Variants in FAM24B observed in about 807,000 individuals in gnomAD.
FAM24B encodes family with sequence similarity 24 member B.
A neutral mutation model predicts 2.3 loss-of-function variants in FAM24B; 3 were observed. That is an observed-to-expected ratio of 1.29 (90% CI 0.59 to 3.32). The LOEUF is 3.32. Among genes scored for constraint, FAM24B ranks in the 30% most tolerant of loss-of-function variants. The pLI, the probability that FAM24B is intolerant of heterozygous loss-of-function variation, is 0.03. For missense variants in FAM24B, 98 were observed against 117.2 expected (o/e 0.84, Z 0.76); for synonymous variants, 36 against 46.3 (o/e 0.78, Z 0.90).
Position 122,872,480 on chromosome 10 carries a change from T to G in FAM24B, c.-178+7005A>C, listed in dbSNP as rs534576729. 2.6e-5 allele frequency among the ~76,000 whole-genome samples: 4 copies of G among 152,338 alleles called. No homozygotes were observed. The East Asian group carries it at 7.7e-4, about 29-fold the overall frequency. On this transcript the variant is annotated intron_variant, in intron 1 of 3. Transcript: ENST00000368898. ...TAAATCATGCTGCTATAAAGACACA[T>G]GCACACATATATTTATTGTGGCATT...
intron 1 of FAM24B, among the ~76,000 whole-genome samples, chr10:122,874,846 A>G (rs892895357): frequency 5.3e-5 from 8 of 152,164 alleles, no homozygotes; most frequent in Admixed American, 6.5e-5. Context: ...CTCATCAGCC[A>G]TTGTTAGCGT....
intron 1 of FAM24B, among the ~76,000 whole-genome samples, chr10:122,857,423 C>T (rs897068891): frequency 2.0e-5 from 3 of 152,160 alleles, no homozygotes; most frequent in African/African-American, 7.2e-5. Context: ...ATGAAGCCAA[C>T]GAGCTTTGCT....
intron 2 of FAM24B, chr10:122,855,202 T>C (rs1450809900): frequency 1.3e-5 from 2 of 152,242 alleles, no homozygotes; most frequent in Non-Finnish European, 2.9e-5. Flanking sequence ...TCGGATTTTA[T>C]GAACTGCCAA....
chr10:122,850,175 A>T (rs1289098707), intron 3 of FAM24B, among the ~76,000 whole-genome samples: 1 of 152,092 alleles, frequency 6.6e-6, no homozygotes, highest in African/African-American at 2.4e-5. Flanking sequence ...CAGCGCTGAC[A>T]CTCACAGGCC....
Position 122,850,506 on chromosome 10 carries a change from T to C in FAM24B, c.10A>G (p.Ile4Val). MPV[I>V]AGGILAALLL... is the part of the protein sequence containing the mutation. Reference sequence around the variant, plus strand: ...AAGGCCGCCAGGATACCACCAGCGATGACAGGCATAATCACTGTATGGAGG... The same window carrying C: ...AAGGCCGCCAGGATACCACCAGCGACGACAGGCATAATCACTGTATGGAGG... The change falls in exon 3 of 4, where the codon ATC becomes GTC. Residue 4 changes from isoleucine to valine, a missense_variant. By Grantham distance (29) the Ile-to-Val change is conservative. Coordinates refer to ENST00000368898, the MANE Select transcript of FAM24B (RefSeq NM_152644.3). 6.2e-7 allele frequency: 1 copy of C among 1,613,444 alleles called. No individual in the cohort carries two copies. The highest frequency in any genetic ancestry group is 1.1e-5 in the South Asian group (1 of 91,072).
At chr10:122,852,398 ATTTTGTTTTG>A (rs933067825) in intron 2 of FAM24B, among the ~76,000 whole-genome samples, 1 of 152,096 alleles carries the variant, frequency 6.6e-6, no homozygotes, top group African/African-American at 2.4e-5. Flanking sequence ...TGAGGGCCCA[ATTTTGTTTTG>A]TTTTGTTTTG....
At position 122,873,743 on chromosome 10, in the gene FAM24B, C is replaced by T. The variant is rs1847936000; in HGVS notation, c.-178+5742G>A. Among the ~76,000 whole-genome samples the T allele has an allele frequency of 2.0e-5, 3 of 152,186 alleles. No individual in the cohort carries two copies. In the South Asian group the frequency reaches 6.2e-4, roughly 32 times the overall value. ...ATAATAGATTTTAGATCATTCTTTT[C>T]CAACATGTACTCAGTACTCTCCGTT... On this transcript the variant is annotated intron_variant, in intron 1 of 3. Coordinates refer to ENST00000368898, the MANE Select transcript of FAM24B (RefSeq NM_152644.3).
At position 122,850,468 on chromosome 10, in the gene FAM24B, T is replaced by C. The variant is rs763388181; in HGVS notation, c.48A>G (p.Ile16Met). ...TGAAGTAAAGACAGAGCACGACAAC[T>C]ATCAGCAGGAGCAAGGCCGCCAGGA... ...GGILAALLLLIVVVLCLYFKI... is the reference protein window; with the variant it reads ...GGILAALLLLMVVVLCLYFKI... Residue 16 changes from isoleucine (I) to methionine (M), a missense_variant, in exon 3 of 4, where the codon ATA (isoleucine) becomes ATG (methionine). Transcript: ENST00000368898. 19 of 1,614,002 alleles carry C rather than the reference T, an allele frequency of 1.2e-5. 1 individual carries two copies. The African/African-American group carries it at 2.4e-4, about 20-fold the overall frequency.
rs187191696 is a variant in FAM24B at position 122,870,314 on chromosome 10, A to C, written c.-178+9171T>G. ...AATTAATAGCTTACCAACCAAAAAA[A>C]GTCCAGGACCAGATGGATTCACAGC... On this transcript the variant is annotated intron_variant, in intron 1 of 3. Coordinates refer to ENST00000368898, the MANE Select transcript of FAM24B (RefSeq NM_152644.3). 2.0e-3 allele frequency among the ~76,000 whole-genome samples: 308 copies of C among 152,344 alleles called. 2 individuals are homozygous for C. Among genetic ancestry groups the C allele is most frequent in the African/African-American group, 6.9e-3 (287 of 41,566 alleles).
intron 3 of FAM24B, among the ~76,000 whole-genome samples, chr10:122,849,731 T>C (rs932400808): frequency 3.3e-5 from 5 of 151,888 alleles, no homozygotes; most frequent in Non-Finnish European, 7.4e-5. Context: ...GGGAAGGTGC[T>C]GCATTTGGCT....
chr10:122,878,365 T>C (rs1359644931), intron 1 of FAM24B, among the ~76,000 whole-genome samples: 7 of 152,004 alleles, frequency 4.6e-5, no homozygotes, highest in Non-Finnish European at 1.5e-5. Context: ...AAACCCTGTC[T>C]CTCCTAAAAA....
intron 1 of FAM24B, among the ~76,000 whole-genome samples, chr10:122,873,197 G>C (rs185908881): frequency 1.3e-5 from 2 of 152,272 alleles, no homozygotes; most frequent in East Asian, 3.9e-4. Flanking sequence ...AGAGGTCAAC[G>C]CCTGGCTTCA....
chr10:122,851,931 T>C (rs2133824389), intron 2 of FAM24B, among the ~76,000 whole-genome samples: 1 of 152,294 alleles, frequency 6.6e-6, no homozygotes, highest in South Asian at 2.1e-4. Flanking sequence ...ATAGAAATTA[T>C]GTCATTGGAA....
intron 1 of FAM24B, among the ~76,000 whole-genome samples, chr10:122,856,624 A>G (rs1450821551): frequency 6.6e-6 from 1 of 152,148 alleles, no homozygotes; most frequent in Non-Finnish European, 1.5e-5. Flanking sequence ...CAGTGTGCTG[A>G]GGCCTCAGTC....
chr10:122,858,496 T>C (rs1181275911), intron 1 of FAM24B, among the ~76,000 whole-genome samples: 4 of 151,906 alleles, frequency 2.6e-5, no homozygotes, highest in Admixed American at 2.6e-4. Flanking sequence ...GGCACATGTA[T>C]ACATATGTAA....
intron 1 of FAM24B, among the ~76,000 whole-genome samples, chr10:122,874,629 A>G (rs563496383): frequency 1.3e-5 from 2 of 152,110 alleles, no homozygotes; most frequent in African/African-American, 4.8e-5. Flanking sequence ...TTGTTCCTCT[A>G]TAGCATGTAT....
intron 2 of FAM24B, 141 bp from the exon 3 acceptor site, chr10:122,850,691 G>A (rs567988039): frequency 5.5e-6 from 3 of 547,148 alleles, no homozygotes; most frequent in East Asian, 2.9e-5. Flanking sequence ...TGTCTTCCCA[G>A]GGCGGCCTAG....
chr10:122,856,532 T>C (rs533965302), intron 1 of FAM24B, among the ~76,000 whole-genome samples: 1 of 152,236 alleles, frequency 6.6e-6, no homozygotes, highest in East Asian at 1.9e-4. Flanking sequence ...AAGCCCTGAT[T>C]CTGCAGCTCA....
At chr10:122,875,904 C>T (rs2133843668) in intron 1 of FAM24B, among the ~76,000 whole-genome samples, 1 of 152,304 alleles carries the variant, frequency 6.6e-6, no homozygotes, top group South Asian at 2.1e-4. Context: ...GAGAAGAATG[C>T]TTCAAGTGAG....
Sources: allele counts gnomAD v4.1 joint callset (sites outside exome capture counted in the v4.1 genomes callset), GRCh38; gene constraint gnomAD v4.1.1; transcripts MANE v1.5; gene names NCBI Gene and HGNC (gene_info 2026-07-23, HGNC 2026-07-21).